Variants in NCKAP5 observed in about 807,000 individuals in gnomAD.
NCKAP5 encodes nck-associated protein 5.
Under a neutral mutation model 167.0 loss-of-function variants are expected in NCKAP5, and 92 were observed. The ratio of observed to expected loss-of-function variants is 0.55; its 90% CI spans 0.47 to 0.66. The LOEUF is 0.66. Among genes scored for constraint, NCKAP5 ranks in the 30% least tolerant of loss-of-function variants. The pLI, the probability that NCKAP5 is intolerant of heterozygous loss-of-function variation, is 0.00. For synonymous variants in NCKAP5, 891 were observed against 877.4 expected, an observed-to-expected ratio of 1.02 and a Z score of -0.27; for missense variants, 2,378 against 2,315.0, an observed-to-expected ratio of 1.03 and a Z score of -0.56.
At chr2:133,586,063 T>C in the NCKAP5 span, among the ~76,000 whole-genome samples, 3 of 152,322 alleles carry the variant, frequency 2.0e-5, no homozygotes, top group Non-Finnish European at 4.4e-5. Context: ...ATGGGCAGAT[T>C]TGGCGTTTCC....
chr2:132,778,471 T>C (rs1215559031), intron 15 of NCKAP5, among the ~76,000 whole-genome samples: 1 of 152,116 alleles, frequency 6.6e-6, no homozygotes, highest in East Asian at 1.9e-4. Flanking sequence ...ATTATTATTA[T>C]ATATTAGAAT....
chr2:133,343,730 G>T (rs1291539501), intron 3 of NCKAP5, among the ~76,000 whole-genome samples: 1 of 152,194 alleles, frequency 6.6e-6, no homozygotes, highest in Admixed American at 6.5e-5. Context: ...ACTCACGGAG[G>T]TTAAATTCTA....
rs538635430 is a variant in NCKAP5, at chr2:133,464,638, C to T, written c.69+52820G>A. ...CTGGGAGGCAGAGCTTTCAGTGAGC[C>T]GAGATCCCACCACTGCACTCCAGCC... On this transcript the variant is annotated intron_variant, in intron 3 of 19. Transcript: ENST00000409261. Among the ~76,000 whole-genome samples the T allele has an allele frequency of 1.6e-3, 244 of 152,074 alleles. 2 individuals are homozygous for T. The highest frequency in any genetic ancestry group is 3.4e-3 in the Middle Eastern group (1 of 294).
chr2:133,581,273 G>A, the NCKAP5 span, among the ~76,000 whole-genome samples: 1 of 152,144 alleles, frequency 6.6e-6, no homozygotes, highest in African/African-American at 2.4e-5. Context: ...GCTTTATGCT[G>A]GTAAGACAGG....
At chr2:132,868,522 G>C (rs948084072) in intron 10 of NCKAP5, among the ~76,000 whole-genome samples, 1 of 152,172 alleles carries the variant, frequency 6.6e-6, no homozygotes, top group African/African-American at 2.4e-5. Flanking sequence ...CATTACAGAA[G>C]AGGAACTAGG....
chr2:132,752,920 T>A (rs1429754799), intron 16 of NCKAP5, among the ~76,000 whole-genome samples: 1 of 152,182 alleles, frequency 6.6e-6, no homozygotes, highest in East Asian at 1.9e-4. Context: ...TGAAAGGTAG[T>A]CAGGCAGGAA....
chr2:133,241,847 C>T (rs1446244921), intron 4 of NCKAP5, among the ~76,000 whole-genome samples: 1 of 152,058 alleles, frequency 6.6e-6, no homozygotes, highest in African/African-American at 2.4e-5. Flanking sequence ...TAGCCGGGCA[C>T]GGTGGCTCAC....
intron 11 of NCKAP5, among the ~76,000 whole-genome samples, chr2:132,834,632 A>T (rs549488830): frequency 6.6e-6 from 1 of 152,236 alleles, no homozygotes; most frequent in East Asian, 1.9e-4. Flanking sequence ...GGCGTGAGCC[A>T]CCGCACCCAG....
chr2:133,632,382 G>T, the NCKAP5 span, among the ~76,000 whole-genome samples: 1 of 152,230 alleles, frequency 6.6e-6, no homozygotes, highest in Non-Finnish European at 1.5e-5. Flanking sequence ...AGGCTGCCTG[G>T]ATTAATAATT....
intron 3 of NCKAP5, among the ~76,000 whole-genome samples, chr2:133,455,096 T>C (rs920056793): frequency 1.2e-4 from 18 of 152,116 alleles, no homozygotes; most frequent in Admixed American, 5.2e-4. Context: ...AGCCACAACA[T>C]GTCCATCCAG....
chr2:132,809,291 C>G (rs1362975075), intron 11 of NCKAP5, among the ~76,000 whole-genome samples: 1 of 151,996 alleles, frequency 6.6e-6, no homozygotes, highest in Non-Finnish European at 1.5e-5. Flanking sequence ...TCCATTTGTT[C>G]CAAGGTATAG....
the NCKAP5 span, among the ~76,000 whole-genome samples, chr2:133,613,788 C>A: frequency 1.3e-5 from 2 of 152,200 alleles, no homozygotes; most frequent in Non-Finnish European, 2.9e-5. Flanking sequence ...ATGGGAATGG[C>A]GCTCTTCCCA....
At chr2:132,749,066 G>C (rs553745588) in intron 16 of NCKAP5, among the ~76,000 whole-genome samples, 4 of 152,242 alleles carry the variant, frequency 2.6e-5, no homozygotes, top group Admixed American at 2.6e-4. Context: ...ATCATGCCCA[G>C]CCGAAGTCGA....
At chr2:132,746,063 A>T (rs1679615498) in intron 16 of NCKAP5, among the ~76,000 whole-genome samples, 1 of 152,038 alleles carries the variant, frequency 6.6e-6, no homozygotes. Flanking sequence ...TTTTTTAAAA[A>T]AAGACGTTGA....
chr2:133,383,334 C>T (rs1053434817), intron 3 of NCKAP5, among the ~76,000 whole-genome samples: 10 of 152,032 alleles, frequency 6.6e-5, no homozygotes, highest in African/African-American at 2.4e-4. Context: ...TTTGTTCTTG[C>T]GATCGTATGC....
the NCKAP5 span, among the ~76,000 whole-genome samples, chr2:133,614,837 C>T: frequency 6.6e-6 from 1 of 151,426 alleles, no homozygotes; most frequent in Admixed American, 6.6e-5. Context: ...AACTCCAAGA[C>T]ACATAATTGT....
At chr2:133,477,396 T>A (rs908383453) in intron 3 of NCKAP5, among the ~76,000 whole-genome samples, 2 of 152,222 alleles carry the variant, frequency 1.3e-5, no homozygotes, top group African/African-American at 4.8e-5. Context: ...CATTCTGCTC[T>A]ATCTGCTCCA....
intron 3 of NCKAP5, among the ~76,000 whole-genome samples, chr2:133,480,841 G>A (rs576908759): frequency 4.6e-5 from 7 of 152,240 alleles, no homozygotes; most frequent in South Asian, 2.1e-4. Context: ...GCAGTTGTTC[G>A]TGACAAGATT....
chr2:132,789,984 G>C (rs1216206881), intron 13 of NCKAP5, 39 bp downstream of exon 13: 1 of 1,559,130 alleles, frequency 6.4e-7, no homozygotes, highest in Non-Finnish European at 8.7e-7. Context: ...ACCAGAAGAG[G>C]ATTCTTTTCT....
Sources: allele counts gnomAD v4.1 joint callset (sites outside exome capture counted in the v4.1 genomes callset), GRCh38; gene constraint gnomAD v4.1.1; transcripts MANE v1.5; gene names NCBI Gene and HGNC (gene_info 2026-07-23, HGNC 2026-07-21).